GRIK2: variants seen among roughly 807,000 people sequenced by gnomAD.
GRIK2 encodes glutamate receptor ionotropic, kainate 2.
Under a neutral mutation model 100.3 loss-of-function variants are expected in GRIK2, and 32 were observed. The ratio of observed to expected loss-of-function variants is 0.32; its 90% confidence interval spans 0.24 to 0.43. GRIK2 has a LOEUF of 0.43. Ranked by LOEUF, GRIK2 falls within the 20% of genes least tolerant of loss-of-function variation. GRIK2 has a pLI of 1.00. For missense variants in GRIK2, 843 were observed against 1,114.9 expected (o/e 0.76, Z 3.47); for synonymous variants, 417 against 389.4 (o/e 1.07, Z -0.83).
intron 2 of GRIK2, among the ~76,000 whole-genome samples, chr6:101,577,316 G>T (rs1777838284): frequency 6.6e-6 from 1 of 151,954 alleles, no homozygotes; most frequent in Non-Finnish European, 1.5e-5. Context: ...GTCATAAAAA[G>T]CTATATGAAT....
chr6:101,808,492 C>T (rs1781136260), intron 9 of GRIK2, among the ~76,000 whole-genome samples: 1 of 151,974 alleles, frequency 6.6e-6, no homozygotes. Context: ...TTTACTGTTA[C>T]ACTTTCCTGG....
intron 7 of GRIK2, among the ~76,000 whole-genome samples, chr6:101,790,294 A>T (rs1779749269): frequency 6.6e-6 from 1 of 151,976 alleles, no homozygotes; most frequent in Non-Finnish European, 1.5e-5. Flanking sequence ...CAGTTTTCAA[A>T]GGGAATGCTT....
rs534068080 is a variant in GRIK2 at position 102,008,011 on chromosome 6, G to T, written c.2086-27330G>T. The stretch of plus-strand genomic sequence containing the variant: ...AGAAAAGGCAATGGTAGAATATTAA[G>T]AAAATCAAAAGTTAGAAGGCAGGGA... On this transcript the variant is annotated intron_variant, in intron 14 of 16. Coordinates refer to ENST00000369134, the MANE Select transcript of GRIK2 (RefSeq NM_021956.5). Among the ~76,000 whole-genome samples the T allele has an allele frequency of 3.9e-5, 6 of 151,950 alleles. No individual in the cohort carries two copies. In the South Asian group the frequency reaches 1.0e-3, roughly 26 times the overall value.
At chr6:101,863,109 G>T (rs115196642) in intron 11 of GRIK2, among the ~76,000 whole-genome samples, 3,816 of 152,044 alleles carry the variant, frequency 0.025, 174 homozygotes, top group African/African-American at 0.086. Context: ...GTTTTTCACC[G>T]CCCATGTAGC....
chr6:101,832,941 C>A (rs1017733004), intron 10 of GRIK2, among the ~76,000 whole-genome samples: 11 of 151,956 alleles, frequency 7.2e-5, no homozygotes, highest in African/African-American at 2.4e-4. Context: ...GAAGAAACAA[C>A]ACAAATACAA....
At chr6:101,436,417 T>C (rs1717105798) in intron 2 of GRIK2, among the ~76,000 whole-genome samples, 1 of 152,124 alleles carries the variant, frequency 6.6e-6, no homozygotes, top group Non-Finnish European at 1.5e-5. Flanking sequence ...AAAATTTTTT[T>C]AGCTGCAAGG....
chr6:101,447,478 A>T (rs2518158), intron 2 of GRIK2, among the ~76,000 whole-genome samples: 89,294 of 151,442 alleles, frequency 0.59, 26,523 homozygotes, highest in South Asian at 0.65. Context: ...TATAAATAGT[A>T]TAAATAGATA....
intron 7 of GRIK2, among the ~76,000 whole-genome samples, chr6:101,728,801 A>G (rs1362059447): frequency 6.6e-6 from 1 of 152,092 alleles, no homozygotes; most frequent in Admixed American, 6.6e-5. Flanking sequence ...TCCAATCAGG[A>G]ACATGGTAAC....
intron 2 of GRIK2, among the ~76,000 whole-genome samples, chr6:101,555,615 AAG>A (rs1443336264): frequency 1.3e-5 from 2 of 152,206 alleles, no homozygotes; most frequent in Non-Finnish European, 2.9e-5. Flanking sequence ...TCCCTCTAAA[AAG>A]AGAATTTATA....
chr6:101,607,505 T>G (rs1262057955), intron 2 of GRIK2, among the ~76,000 whole-genome samples: 1 of 152,042 alleles, frequency 6.6e-6, no homozygotes, highest in Non-Finnish European at 1.5e-5. Flanking sequence ...TTCTTTAACT[T>G]ACCAGAGGTA....
At chr6:101,771,878 G>T (rs964962738) in intron 7 of GRIK2, among the ~76,000 whole-genome samples, 12 of 151,752 alleles carry the variant, frequency 7.9e-5, no homozygotes, top group Non-Finnish European at 1.2e-4. Flanking sequence ...ATTTTTTATG[G>T]CTGCATAGTA....
rs374016614 is a variant in GRIK2, at chr6:101,994,385, C to A, written c.2086-40956C>A. ...AACAAATGAAATGATAAATCTTTTT[C>A]ATGCATATGTATGGTTTTCAAGCAA... On this transcript the variant is annotated intron_variant, in intron 14 of 16. Coordinates refer to ENST00000369134, the MANE Select transcript of GRIK2 (RefSeq NM_021956.5). 1.1e-4 allele frequency among the ~76,000 whole-genome samples: 17 copies of A among 151,750 alleles called. No homozygotes were observed. In the East Asian group the frequency reaches 2.5e-3, roughly 23 times the overall value.
At chr6:101,688,014 T>G (rs893070024) in intron 7 of GRIK2, among the ~76,000 whole-genome samples, 4 of 148,606 alleles carry the variant, frequency 2.7e-5, no homozygotes, top group Non-Finnish European at 6.0e-5. Flanking sequence ...TTATAATGTA[T>G]GCTATCCTTT....
intron 2 of GRIK2, among the ~76,000 whole-genome samples, chr6:101,560,556 T>C (rs1016610351): frequency 6.6e-6 from 1 of 152,092 alleles, no homozygotes; most frequent in African/African-American, 2.4e-5. Flanking sequence ...ACATTGTAGA[T>C]AATTAGAAAC....
In GRIK2 at chr6:101,806,964, A is replaced by G. The variant is rs1781044337; in HGVS notation, c.1203+4526A>G. Among the ~76,000 whole-genome samples, 3 of 151,920 alleles carry G rather than the reference A, an allele frequency of 2.0e-5. No individual in the cohort carries two copies. The South Asian group carries it at 6.2e-4, about 32-fold the overall frequency. ...ATGGAAAATATATGCTCCCTTTTCC[A>G]CTACTATATATTAAGGCTTTGCAAA... On this transcript the variant is annotated intron_variant, in intron 9 of 16. Transcript: ENST00000369134.
intron 2 of GRIK2, among the ~76,000 whole-genome samples, chr6:101,549,750 A>C (rs752716379): frequency 2.6e-5 from 4 of 152,140 alleles, no homozygotes; most frequent in Admixed American, 1.3e-4. Flanking sequence ...AAAGTAATAA[A>C]AACTAACACT....
intron 10 of GRIK2, among the ~76,000 whole-genome samples, chr6:101,823,825 G>A (rs1782120505): frequency 1.3e-5 from 2 of 150,352 alleles, no homozygotes; most frequent in Non-Finnish European, 3.0e-5. Flanking sequence ...TGGGTTTTCG[G>A]GGGAACAGGT....
chr6:101,759,433 T>G (rs746457060), intron 7 of GRIK2, among the ~76,000 whole-genome samples: 1 of 152,176 alleles, frequency 6.6e-6, no homozygotes, highest in Non-Finnish European at 1.5e-5. Flanking sequence ...GCAGCAACTA[T>G]TGAGTGTATA....
intron 10 of GRIK2, among the ~76,000 whole-genome samples, chr6:101,841,785 A>G (rs1562431474): frequency 6.6e-6 from 1 of 152,196 alleles, no homozygotes; most frequent in Non-Finnish European, 1.5e-5. Flanking sequence ...AATGGAATTC[A>G]CTTATACGTG....
Sources: gnomAD v4.1 joint callset for allele counts (sites outside exome capture counted in the v4.1 genomes callset) on GRCh38, gnomAD v4.1.1 for gene constraint, MANE v1.5 for transcripts, NCBI Gene and HGNC (gene_info 2026-07-23, HGNC 2026-07-21) for gene names.